SLCO2B1: variants seen among roughly 807,000 people sequenced by gnomAD.
SLCO2B1 encodes the protein OATP-RP2.
A neutral mutation model predicts 67.3 loss-of-function variants in SLCO2B1; 41 were observed. The ratio of observed to expected loss-of-function variants is 0.61; its 90% confidence interval spans 0.47 to 0.79. The LOEUF is 0.79. SLCO2B1 is among the 30% of genes least tolerant of loss of function. SLCO2B1 has a pLI of 0.00. For synonymous variants in SLCO2B1, 379 were observed against 381.4 expected (o/e 0.99, Z 0.07); for missense variants, 837 against 920.1 (o/e 0.91, Z 1.17).
rs1052818599 is a variant in SLCO2B1, at chr11:75,204,889, G to T, written c.*309G>T. The T allele has an allele frequency of 1.5e-5, 3 of 204,074 alleles. No homozygotes were observed. The highest frequency in any genetic ancestry group is 1.6e-4 in the South Asian group (1 of 6,324). The allele number at this position is 204,074 out of a possible 1,614,324, so 12.6% of individuals were successfully genotyped here. A position where few individuals can be genotyped will look rare whatever the true frequency, so the allele number is the denominator to read the frequency against. ...TGGAAAGAAGTATACCTTTCCCTGG[G>T]GCCCTAGGATAGCAAAGTGAGCCAT... On this transcript the variant is annotated 3_prime_UTR_variant, in exon 14 of 14. Coordinates refer to ENST00000289575, the MANE Select transcript of SLCO2B1 (RefSeq NM_007256.5).
At chr11:75,151,550 G>A (rs980201479) in intron 1 of SLCO2B1, among the ~76,000 whole-genome samples, 153 bp downstream of exon 1, 3 of 152,192 alleles carry the variant, frequency 2.0e-5, no homozygotes, top group Admixed American at 6.5e-5. Flanking sequence ...TTCAGTGAAG[G>A]TGTGTTAAAT....
Position 75,193,282 on chromosome 11 carries a change from G to A in SLCO2B1, c.1140G>A (p.Gln380=), listed in dbSNP as rs777034963. The part of the protein sequence containing the change: ...HPIFLLVVLS[Q]VCLSSMAAGM... ...TCTTCCTGCTGGTGGTCCTGTCCCAGGTATGCTTGTCATCCATGGCTGCGG... is the reference window on the plus strand; with the variant it reads ...TCTTCCTGCTGGTGGTCCTGTCCCAAGTATGCTTGTCATCCATGGCTGCGG... The change falls in exon 9 of 14, where the codon CAG becomes CAA. Residue 380 remains glutamine (Q), a synonymous_variant. Coordinates refer to ENST00000289575, the MANE Select transcript of SLCO2B1 (RefSeq NM_007256.5). This position sits in a 1 kb window ranked among gnomAD's most constrained non-coding sequence, Gnocchi z 4.2. The A allele has an allele frequency of 9.9e-6, 16 of 1,613,838 alleles. No homozygotes were observed. Among genetic ancestry groups the A allele is most frequent in the South Asian group, 9.9e-5 (9 of 91,086 alleles).
intron 1 of SLCO2B1, among the ~76,000 whole-genome samples, chr11:75,154,238 T>C (rs1241248903): frequency 1.3e-5 from 2 of 151,090 alleles, no homozygotes; most frequent in African/African-American, 4.9e-5. Context: ...GCAGCACTTT[T>C]ATGATGACAA....
intron 1 of SLCO2B1, among the ~76,000 whole-genome samples, chr11:75,152,906 C>A (rs917898714): frequency 6.6e-6 from 1 of 152,120 alleles, no homozygotes; most frequent in Non-Finnish European, 1.5e-5. Flanking sequence ...GAGCCTGCAG[C>A]CTGGGAAGAG....
intron 6 of SLCO2B1, 200 bp downstream of exon 6, chr11:75,169,964 T>C (rs1306774763): frequency 1.6e-5 from 9 of 568,094 alleles, no homozygotes; most frequent in Non-Finnish European, 2.8e-5. Flanking sequence ...GTGATCAGAG[T>C]CCAGCGAGAT....
chr11:75,157,960 T>C (rs1169445631), intron 1 of SLCO2B1, among the ~76,000 whole-genome samples: 2 of 152,080 alleles, frequency 1.3e-5, no homozygotes, highest in African/African-American at 2.4e-5. Flanking sequence ...CCAAATTTAT[T>C]TAATATAAGT....
rs1945101324 is a variant in SLCO2B1 at position 75,196,690 on chromosome 11, C to T, written c.1599+11C>T. The T allele has an allele frequency of 6.2e-7, 1 of 1,609,982 alleles. No individual in the cohort carries two copies. The highest frequency in any genetic ancestry group is 1.3e-5 in the African/African-American group (1 of 74,854). On this transcript the variant is annotated intron_variant, in intron 10 of 13. Coordinates refer to ENST00000289575, the MANE Select transcript of SLCO2B1 (RefSeq NM_007256.5). ...CTGGACAACAGCCAGGTGAGTCAGG[C>T]CTCTCGTGGCAACCTCTGCCCCTCA...
chr11:75,190,616 T>C (rs1026122171), intron 8 of SLCO2B1, among the ~76,000 whole-genome samples: 1 of 152,114 alleles, frequency 6.6e-6, no homozygotes, highest in Non-Finnish European at 1.5e-5. Flanking sequence ...ACCTCTGTGA[T>C]GGAGAAGGCC....
Position 75,193,405 on chromosome 11 carries a change from C to A in SLCO2B1, c.1263C>A (p.Val421=). The change falls in exon 9 of 14, where the codon GTC becomes GTA. Residue 421 remains valine (V), a synonymous_variant. Coordinates refer to ENST00000289575, the MANE Select transcript of SLCO2B1 (RefSeq NM_007256.5). This position sits in a 1 kb window ranked among gnomAD's most constrained non-coding sequence, Gnocchi z 4.2. ...LLIGCLSFPS[V]IVGIVVGGVL... ...TCGGCTGCCTCTCCTTCCCTTCGGT[C>A]ATCGTGGGCATCGTGGTGGGTGGCG... The A allele has an allele frequency of 6.2e-7, 1 of 1,614,162 alleles. No homozygotes were observed. The highest frequency in any genetic ancestry group is 1.1e-5 in the South Asian group (1 of 91,072).
chr11:75,189,609 C>G (rs188811205), intron 8 of SLCO2B1, among the ~76,000 whole-genome samples: 33 of 152,184 alleles, frequency 2.2e-4, no homozygotes, highest in Non-Finnish European at 4.0e-4. Context: ...AGGATTTCTG[C>G]AACAGGAAGG....
chr11:75,189,028 G>A (rs1327861965), intron 8 of SLCO2B1, among the ~76,000 whole-genome samples: 1 of 152,208 alleles, frequency 6.6e-6, no homozygotes, highest in Admixed American at 6.5e-5. Flanking sequence ...TCCAGAACCT[G>A]GGCTTTTGTC....
intron 10 of SLCO2B1, 23 bp from the exon 11 acceptor site, chr11:75,200,201 T>C: frequency 1.9e-6 from 3 of 1,597,424 alleles, no homozygotes; most frequent in Non-Finnish European, 2.6e-6. Flanking sequence ...TCTTGAAGTC[T>C]CTTCCTCCTC....
chr11:75,183,790 C>T (rs1950115683), intron 7 of SLCO2B1, among the ~76,000 whole-genome samples: 1 of 152,212 alleles, frequency 6.6e-6, no homozygotes, highest in Non-Finnish European at 1.5e-5. Context: ...TCCCAAAATG[C>T]TGGAATTACA....
intron 1 of SLCO2B1, chr11:75,159,825 G>A (rs1949793300): frequency 2.0e-6 from 2 of 984,942 alleles, no homozygotes; most frequent in African/African-American, 1.7e-5. Flanking sequence ...GGAAGGCTTT[G>A]AGCCTTGGCA....
chr11:75,153,700 T>C (rs939795439), intron 1 of SLCO2B1, among the ~76,000 whole-genome samples: 1 of 152,112 alleles, frequency 6.6e-6, no homozygotes, highest in Admixed American at 6.5e-5. Context: ...CCCAGTACCG[T>C]TGGAGGAGCG....
chr11:75,191,153 T>C (rs1192482441), intron 8 of SLCO2B1, among the ~76,000 whole-genome samples: 1 of 151,596 alleles, frequency 6.6e-6, no homozygotes, highest in Non-Finnish European at 1.5e-5. Context: ...GGAGGGAGGA[T>C]AGAAGGGAGG....
At chr11:75,173,091 A>G (rs1415263183) in intron 7 of SLCO2B1, among the ~76,000 whole-genome samples, 3 of 152,218 alleles carry the variant, frequency 2.0e-5, no homozygotes, top group Non-Finnish European at 4.4e-5. Context: ...AAGATCACAA[A>G]GCCAGCAAGC....
intron 8 of SLCO2B1, among the ~76,000 whole-genome samples, chr11:75,192,604 A>G (rs1945038793): frequency 6.6e-6 from 1 of 152,178 alleles, no homozygotes. Flanking sequence ...ATGAAATGAC[A>G]TGGGATGGGA....
chr11:75,180,383 C>T (rs371043534), intron 7 of SLCO2B1, among the ~76,000 whole-genome samples: 4 of 152,248 alleles, frequency 2.6e-5, no homozygotes, highest in South Asian at 2.1e-4. Flanking sequence ...ATTGTTAGAT[C>T]GAAGTTTCTA....
Sources: allele counts gnomAD v4.1 joint callset (sites outside exome capture counted in the v4.1 genomes callset), GRCh38; gene constraint gnomAD v4.1.1; non-coding constraint Gnocchi (gnomAD v3.1); transcripts MANE v1.5; gene names NCBI Gene and HGNC (gene_info 2026-07-23, HGNC 2026-07-21).